SFTPD: variants seen among roughly 807,000 people sequenced by gnomAD.
SFTPD encodes the protein surfactant protein D, also known as pulmonary surfactant-associated protein D.
SFTPD carries 18 observed loss-of-function variants against 34.6 expected under a neutral mutation model. That is an observed-to-expected ratio of 0.52 (90% CI 0.36 to 0.77). The LOEUF (loss-of-function observed/expected upper bound fraction) is 0.77. Among genes scored for constraint, SFTPD ranks in the 30% least tolerant of loss-of-function variants. The pLI is 0.00. For synonymous variants in SFTPD, 155 were observed against 180.9 expected, an observed-to-expected ratio of 0.86 and a Z score of 1.15; for missense variants, 433 against 468.9, an observed-to-expected ratio of 0.92 and a Z score of 0.71.
upstream of SFTPD, among the ~76,000 whole-genome samples, chr10:79,952,630 G>T (rs1842716566): frequency 6.6e-6 from 1 of 152,092 alleles, no homozygotes; most frequent in Non-Finnish European, 1.5e-5. Context: ...AGCTCCCCAG[G>T]GTCCCACCCG....
chr10:79,938,133 G>A lies in SFTPD; in HGVS notation c.847C>T (p.Gln283Ter), dbSNP rs1266710922. The change falls in exon 8 of 8, where the codon CAG becomes TAG. Residue 283 changes from glutamine to a stop codon, truncating the protein, a stop_gained. Transcript: ENST00000372292. LOFTEE classifies it high-confidence loss of function. The part of the protein sequence containing the change: ...PFTEAQLLCT[Q>*]AGGQLASPRS... ...GGAGAGGCCAACTGTCCACCAGCCT[G>A]TGTGCACAGCAGCTGTGCCTCCGTA... 4 of 1,613,782 alleles carry A rather than the reference G, an allele frequency of 2.5e-6. No homozygotes were observed. Among genetic ancestry groups the A allele is most frequent in the Admixed American group, 3.3e-5 (2 of 59,998 alleles).
At chr10:79,953,885 C>T (rs894403721), upstream of SFTPD, among the ~76,000 whole-genome samples, 37 of 151,762 alleles carry the variant, frequency 2.4e-4, no homozygotes, top group East Asian at 3.9e-4. Flanking sequence ...TGGATAATTT[C>T]AAATGACCTG....
chr10:79,948,646 G>A (rs1317221473), intron 1 of SFTPD, among the ~76,000 whole-genome samples: 1 of 152,142 alleles, frequency 6.6e-6, no homozygotes, highest in South Asian at 2.1e-4. Flanking sequence ...TTTTCCACAG[G>A]CTGTTGGCAC....
chr10:79,981,034 AG>A (rs1477472307), intron 1 of SFTPD, among the ~76,000 whole-genome samples: 1 of 152,232 alleles, frequency 6.6e-6, no homozygotes, highest in African/African-American at 2.4e-5. Context: ...TTTTACACAG[AG>A]AATTCAAAAT....
In SFTPD at chr10:79,942,849, A is replaced by G; in HGVS notation, c.230T>C (p.Met77Thr). Residue 77 changes from methionine (M) to threonine (T), a missense_variant, in exon 3 of 8, where the codon ATG becomes ACG. Physicochemically the swap from Met to Thr is moderately conservative, Grantham distance 81 (BLOSUM62 -1). Coordinates refer to ENST00000372292, the MANE Select transcript of SFTPD (RefSeq NM_003019.5). ...CCCAACTGGGCCAGCTTGTCCAGGC[A>G]TCCCTGCTTGCCCTGCAGCTCCTGG... is the stretch of plus-strand genomic sequence containing the variant. The part of the protein sequence containing the change: ...GLPGAAGQAG[M>T]PGQAGPVGPK... 6.2e-7 allele frequency: 1 copy of G among 1,614,020 alleles called. No homozygotes were observed. Among genetic ancestry groups the G allele is most frequent in the Non-Finnish European group, 8.5e-7 (1 of 1,179,890 alleles).
intron 1 of SFTPD, 118 bp from the exon 2 acceptor site, chr10:79,946,780 A>C: frequency 4.5e-6 from 4 of 897,092 alleles, no homozygotes; most frequent in Non-Finnish European, 6.9e-6. Context: ...GTCCTCTGCT[A>C]TGGGGCCTAG....
intron 1 of SFTPD, among the ~76,000 whole-genome samples, chr10:79,966,438 T>G (rs1842803556): frequency 1.1e-5 from 1 of 90,656 alleles, no homozygotes; most frequent in Non-Finnish European, 2.0e-5. Context: ...TTGTTTGTTT[T>G]TTTCTTGTAA....
intron 1 of SFTPD, among the ~76,000 whole-genome samples, chr10:79,961,466 A>G: frequency 6.6e-6 from 1 of 152,092 alleles, no homozygotes; most frequent in East Asian, 1.9e-4. Context: ...AAACAACTCC[A>G]TCAAAAAGTG....
At position 79,938,037 on chromosome 10, in the gene SFTPD, T is replaced by C; in HGVS notation, c.943A>G (p.Met315Val). ...VAKNEAAFLSMTDSKTEGKFT... is the reference protein window; with the variant it reads ...VAKNEAAFLSVTDSKTEGKFT... The stretch of plus-strand genomic sequence containing the variant: ...TTGCCCTCTGTCTTGGAATCAGTCA[T>C]GCTCAGGAAAGCAGCCTCGTTCTTA... Residue 315 changes from methionine to valine, a missense_variant, in exon 8 of 8, where the codon ATG (methionine) becomes GTG (valine). By Grantham distance (21) the Met-to-Val change is conservative (BLOSUM62 1). Transcript: ENST00000372292. The C allele has an allele frequency of 6.2e-7, 1 of 1,614,084 alleles. No individual in the cohort carries two copies. The highest frequency in any genetic ancestry group is 1.3e-5 in the African/African-American group (1 of 75,060).
intron 2 of SFTPD, among the ~76,000 whole-genome samples, chr10:79,943,159 C>A (rs761009767): frequency 6.6e-6 from 1 of 152,126 alleles, no homozygotes; most frequent in Non-Finnish European, 1.5e-5. Context: ...GTATTGATGG[C>A]AGGCAATTTG....
At chr10:79,955,011 C>T (rs1842730825) in intron 1 of SFTPD, among the ~76,000 whole-genome samples, 1 of 152,244 alleles carries the variant, frequency 6.6e-6, no homozygotes, top group South Asian at 2.1e-4. Context: ...CCCACATCCT[C>T]ACCACCTGTT....
intron 1 of SFTPD, among the ~76,000 whole-genome samples, chr10:79,966,786 T>C (rs1239562314): frequency 6.9e-6 from 1 of 144,620 alleles, no homozygotes; most frequent in Admixed American, 6.8e-5. Context: ...GGATCCAGTT[T>C]CAGCTTTCTA....
chr10:79,978,166 G>A (rs1842872634), intron 1 of SFTPD, among the ~76,000 whole-genome samples: 1 of 152,164 alleles, frequency 6.6e-6, no homozygotes, highest in South Asian at 2.1e-4. Flanking sequence ...AAGATGCAAT[G>A]CTGTTTGGTA....
intron 1 of SFTPD, among the ~76,000 whole-genome samples, chr10:79,980,363 T>G (rs1475494306): frequency 6.6e-6 from 1 of 152,160 alleles, no homozygotes; most frequent in Non-Finnish European, 1.5e-5. Flanking sequence ...ATGGCATTTA[T>G]AGACTCACCC....
intron 1 of SFTPD, chr10:79,970,798 T>C (rs1215533701): frequency 2.0e-5 from 3 of 152,192 alleles, no homozygotes; most frequent in East Asian, 1.9e-4. Flanking sequence ...TAAGATCATG[T>C]CATCTGCAAA....
chr10:79,963,467 A>G (rs1842786715), intron 1 of SFTPD, among the ~76,000 whole-genome samples: 1 of 152,190 alleles, frequency 6.6e-6, no homozygotes, highest in African/African-American at 2.4e-5. Flanking sequence ...TCAACCAAGA[A>G]TGTCAGAGTA....
Position 79,938,002 on chromosome 10 carries a change from G to T in SFTPD, c.978C>A (p.Tyr326Ter). 1 of 1,613,912 alleles carries T rather than the reference G, an allele frequency of 6.2e-7. No individual in the cohort carries two copies. The highest frequency in any genetic ancestry group is 8.5e-7 in the Non-Finnish European group (1 of 1,179,808). Reference protein sequence around the residue: ...TDSKTEGKFTYPTGESLVYSN... With the variant: ...TDSKTEGKFT Reference sequence around the variant, plus strand: ...AATAGACCAGGGACTCTCCTGTGGGGTAGGTGAACTTGCCCTCTGTCTTGG... The same window carrying T: ...AATAGACCAGGGACTCTCCTGTGGGTTAGGTGAACTTGCCCTCTGTCTTGG... Residue 326 changes from tyrosine (Y) to a stop codon, truncating the protein, a stop_gained, in exon 8 of 8, where the codon TAC becomes TAA. Coordinates refer to ENST00000372292, the MANE Select transcript of SFTPD (RefSeq NM_003019.5). LOFTEE classifies it high-confidence loss of function.
At chr10:79,944,377 G>A (rs750010655) in intron 2 of SFTPD, among the ~76,000 whole-genome samples, 1 of 152,208 alleles carries the variant, frequency 6.6e-6, no homozygotes, top group East Asian at 1.9e-4. Flanking sequence ...TGTGTTGGGG[G>A]TAGGGTCTGT....
At chr10:79,951,090 T>G (rs1420522588), upstream of SFTPD, 2 of 152,136 alleles carry the variant, frequency 1.3e-5, no homozygotes, top group Non-Finnish European at 2.9e-5. Flanking sequence ...ATTAATATCC[T>G]GAATTATTTT....
Sources: allele counts gnomAD v4.1 joint callset (sites outside exome capture counted in the v4.1 genomes callset), GRCh38; gene constraint gnomAD v4.1.1; transcripts MANE v1.5; gene names NCBI Gene and HGNC (gene_info 2026-07-23, HGNC 2026-07-21).